Variants in DTNB observed in about 807,000 individuals in gnomAD.
DTNB encodes the protein DTN-B.
DTNB carries 63 observed loss-of-function variants against 90.7 expected under a neutral mutation model. The ratio of observed to expected loss-of-function variants is 0.69; its 90% CI spans 0.57 to 0.86. The LOEUF (loss-of-function observed/expected upper bound fraction) is 0.86, where lower values mean the gene tolerates loss of function less well. DTNB is among the 40% of genes least tolerant of loss of function. The probability of loss-of-function intolerance (pLI) is 0.00; values close to 1 mark genes in which losing one functional copy is unlikely to be tolerated. For missense variants in DTNB, 744 were observed against 807.1 expected, an observed-to-expected ratio of 0.92 and a Z score of 0.95; for synonymous variants, 277 against 286.7, an observed-to-expected ratio of 0.97 and a Z score of 0.34.
intron 16 of DTNB, among the ~76,000 whole-genome samples, chr2:25,406,024 G>C (rs1264016439): frequency 6.6e-6 from 1 of 152,208 alleles, no homozygotes; most frequent in African/African-American, 2.4e-5. Context: ...GTTGGCAACT[G>C]AGAGGGAAGA....
At chr2:25,397,098 C>T (rs1267806209) in intron 16 of DTNB, among the ~76,000 whole-genome samples, 4 of 150,860 alleles carry the variant, frequency 2.7e-5, no homozygotes, top group Non-Finnish European at 5.9e-5. Flanking sequence ...GACAGACTGG[C>T]AGCAATTCCA....
At chr2:25,482,897 A>G (rs1454943878) in intron 9 of DTNB, 24 bp from the exon 10 acceptor site, 1 of 1,583,966 alleles carries the variant, frequency 6.3e-7, no homozygotes. Flanking sequence ...CATTTACCTT[A>G]TATTAATAAT....
intron 2 of DTNB, among the ~76,000 whole-genome samples, chr2:25,648,154 G>A (rs1366738635): frequency 2.0e-5 from 3 of 152,030 alleles, no homozygotes; most frequent in Non-Finnish European, 2.9e-5. Context: ...CCAGAGTTGA[G>A]GATTACTCTT....
chr2:25,500,001 T>A (rs559602536), intron 9 of DTNB, among the ~76,000 whole-genome samples: 2 of 152,296 alleles, frequency 1.3e-5, no homozygotes, highest in East Asian at 3.9e-4. Context: ...GCTGAAGGGA[T>A]CCTCTTGCCT....
chr2:25,644,692 G>A (rs1209413105), intron 2 of DTNB, among the ~76,000 whole-genome samples: 1 of 152,184 alleles, frequency 6.6e-6, no homozygotes, highest in Non-Finnish European at 1.5e-5. Flanking sequence ...GGCGAAGGCG[G>A]AGGCTTCAGT....
intron 19 of DTNB, among the ~76,000 whole-genome samples, chr2:25,381,304 T>C (rs1336618693): frequency 1.3e-5 from 2 of 152,222 alleles, no homozygotes; most frequent in Non-Finnish European, 2.9e-5. Context: ...TTCTTGTCTG[T>C]GTGGGTAAGT....
chr2:25,384,140 G>A (rs1320077074), intron 18 of DTNB, among the ~76,000 whole-genome samples: 2 of 152,250 alleles, frequency 1.3e-5, no homozygotes, highest in African/African-American at 4.8e-5. Flanking sequence ...TCCTGACCAG[G>A]GCTGGGGGCG....
chr2:25,650,611 G>GAT (rs2080688930), intron 2 of DTNB, among the ~76,000 whole-genome samples: 1 of 152,200 alleles, frequency 6.6e-6, no homozygotes, highest in Admixed American at 6.5e-5. Flanking sequence ...TCTTAGGAGT[G>GAT]GGGTCTTTCC....
intron 3 of DTNB, among the ~76,000 whole-genome samples, chr2:25,630,255 T>C (rs566967320): frequency 4.8e-4 from 73 of 152,326 alleles, no homozygotes; most frequent in African/African-American, 1.6e-3. Context: ...AGCGAGGATG[T>C]AGAGAAGTTG....
intron 8 of DTNB, among the ~76,000 whole-genome samples, chr2:25,552,488 C>T (rs564565008): frequency 6.6e-6 from 1 of 152,304 alleles, no homozygotes; most frequent in South Asian, 2.1e-4. Flanking sequence ...TGTCACTGGC[C>T]CTGGGCCCCT....
intron 1 of DTNB, among the ~76,000 whole-genome samples, chr2:25,659,603 C>G (rs933507109): frequency 2.0e-5 from 3 of 151,920 alleles, no homozygotes; most frequent in Admixed American, 6.6e-5. Context: ...AAAGAAACAC[C>G]ATAGAAATAT....
At chr2:25,547,170 G>C (rs1338835310) in intron 8 of DTNB, among the ~76,000 whole-genome samples, 1 of 151,982 alleles carries the variant, frequency 6.6e-6, no homozygotes, top group African/African-American at 2.4e-5. Context: ...TATTTTAAAT[G>C]CAAGTTGAAT....
chr2:25,435,777 C>T (rs2055540803), intron 12 of DTNB, among the ~76,000 whole-genome samples: 1 of 152,188 alleles, frequency 6.6e-6, no homozygotes, highest in South Asian at 2.1e-4. Context: ...TGGTAACTGC[C>T]TTTTGAGAAA....
intron 1 of DTNB, chr2:25,653,063 A>C (rs922738349): frequency 6.5e-6 from 1 of 154,736 alleles, no homozygotes; most frequent in African/African-American, 2.4e-5. Flanking sequence ...AATAAAGGAC[A>C]TAAGAACAGT....
chr2:25,583,646 C>T (rs1236411167), intron 6 of DTNB, among the ~76,000 whole-genome samples: 5 of 151,826 alleles, frequency 3.3e-5, no homozygotes, highest in African/African-American at 4.8e-5. Context: ...CTCAGCCTCC[C>T]GAGTAGCTGG....
At chr2:25,391,118 G>T (rs910056180) in intron 16 of DTNB, among the ~76,000 whole-genome samples, 6 of 150,680 alleles carry the variant, frequency 4.0e-5, no homozygotes, top group Admixed American at 1.3e-4. Context: ...GGATGGTCTC[G>T]ATCTCCTGAC....
intron 1 of DTNB, among the ~76,000 whole-genome samples, chr2:25,668,842 G>A (rs1198133051): frequency 6.6e-6 from 1 of 151,428 alleles, no homozygotes; most frequent in Non-Finnish European, 1.5e-5. Context: ...GTTCATAGCA[G>A]CACTCCTTGT....
chr2:25,656,430 A>C (rs1441454333), intron 1 of DTNB, among the ~76,000 whole-genome samples: 1 of 152,180 alleles, frequency 6.6e-6, no homozygotes, highest in Non-Finnish European at 1.5e-5. Flanking sequence ...TTGAAGACCA[A>C]TGCTACCATG....
At chr2:25,655,553 G>T (rs2081910649) in intron 1 of DTNB, among the ~76,000 whole-genome samples, 1 of 152,066 alleles carries the variant, frequency 6.6e-6, no homozygotes, top group Admixed American at 6.6e-5. Context: ...TGTTGATATG[G>T]GCCACTCTTC....
Sources: allele counts gnomAD v4.1 joint callset (sites outside exome capture counted in the v4.1 genomes callset), GRCh38; gene constraint gnomAD v4.1.1; transcripts MANE v1.5; gene names NCBI Gene and HGNC (gene_info 2026-07-23, HGNC 2026-07-21).